CADM2: variants seen among roughly 807,000 people sequenced by gnomAD.
CADM2 encodes the protein cell adhesion molecule 2.
A neutral mutation model predicts 49.8 loss-of-function variants in CADM2; 12 were observed. That is an observed-to-expected ratio of 0.24 (90% confidence interval 0.15 to 0.39). The LOEUF (loss-of-function observed/expected upper bound fraction) is 0.39. CADM2 is among the 10% of genes least tolerant of loss of function. CADM2 has a pLI of 1.00. For missense variants in CADM2, 378 were observed against 492.3 expected, an observed-to-expected ratio of 0.77 and a Z score of 2.20; for synonymous variants, 214 against 175.4, an observed-to-expected ratio of 1.22 and a Z score of -1.74.
intron 1 of CADM2, among the ~76,000 whole-genome samples, chr3:85,101,638 A>C (rs2107545840): frequency 6.6e-6 from 1 of 152,340 alleles, no homozygotes; most frequent in South Asian, 2.1e-4. Context: ...TATTCTTTAA[A>C]AAAATTCTCA....
At chr3:85,305,986 C>T (rs1038796136) in intron 1 of CADM2, among the ~76,000 whole-genome samples, 2 of 151,630 alleles carry the variant, frequency 1.3e-5, no homozygotes, top group African/African-American at 4.8e-5. Context: ...ATGACCAACA[C>T]ATTATGCAGT....
chr3:85,748,448 C>T (rs2068708677), intron 2 of CADM2, among the ~76,000 whole-genome samples: 1 of 152,036 alleles, frequency 6.6e-6, no homozygotes, highest in South Asian at 2.1e-4. Context: ...ACCCAGGTTT[C>T]TGATGGGTAT....
intron 1 of CADM2, among the ~76,000 whole-genome samples, chr3:85,489,806 T>TGTGA (rs565317625): frequency 7.6e-5 from 11 of 143,918 alleles, no homozygotes; most frequent in Non-Finnish European, 1.4e-4. Context: ...TGTGTGTGTG[T>TGTGA]GAGAGAGAGA....
chr3:85,828,154 C>A (rs890126272), intron 3 of CADM2: 1 of 151,736 alleles, frequency 6.6e-6, no homozygotes, highest in Admixed American at 6.6e-5. Flanking sequence ...ATTATTAGAC[C>A]CTGACGTGCT....
chr3:85,199,963 T>C (rs772091473), intron 1 of CADM2, among the ~76,000 whole-genome samples: 11 of 152,068 alleles, frequency 7.2e-5, no homozygotes, highest in Non-Finnish European at 1.5e-4. Flanking sequence ...CAGTTAAAAC[T>C]GCATAATGCA....
At chr3:85,907,101 C>A (rs939335571) in intron 5 of CADM2, among the ~76,000 whole-genome samples, 2 of 152,124 alleles carry the variant, frequency 1.3e-5, no homozygotes, top group Admixed American at 1.3e-4. Context: ...TCGTTCACTC[C>A]TAATTTTTGA....
intron 1 of CADM2, among the ~76,000 whole-genome samples, chr3:85,699,710 C>G (rs182338144): frequency 6.6e-6 from 1 of 152,218 alleles, no homozygotes; most frequent in Non-Finnish European, 1.5e-5. Flanking sequence ...ATTTTTCCCC[C>G]CTAGGCCTCC....
rs528569639 is a variant in CADM2, at chr3:85,794,746, T to C, written c.89-7301T>C. Among the ~76,000 whole-genome samples the C allele has an allele frequency of 2.0e-5, 3 of 152,180 alleles. No individual in the cohort carries two copies. In the South Asian group the frequency reaches 6.2e-4, roughly 32 times the overall value. On this transcript the variant is annotated intron_variant, in intron 2 of 9. Coordinates refer to ENST00000383699, the MANE Select transcript of CADM2 (RefSeq NM_001167675.2). ...AAATCCTTGTAGATGGTAAACAAGA[T>C]CCATACTGTACCATCTGGGCTGTTT...
intron 1 of CADM2, among the ~76,000 whole-genome samples, chr3:85,128,759 T>C (rs1240236866): frequency 1.3e-5 from 2 of 152,190 alleles, no homozygotes; most frequent in Non-Finnish European, 2.9e-5. Context: ...GGCTAAATTA[T>C]GTGGGTGCAT....
rs951752192 is a variant in CADM2 at position 85,074,800 on chromosome 3, T to C, written c.61+115132T>C. Among the ~76,000 whole-genome samples, 6 of 152,078 alleles carry C rather than the reference T, an allele frequency of 3.9e-5. No homozygotes were observed. The South Asian group carries it at 1.2e-3, about 32-fold the overall frequency. ...GGAACCTAATTTTTGTTCTCACGTA[T>C]ATCAGTAATAACCTCACATTTCCGG... On this transcript the variant is annotated intron_variant, in intron 1 of 9. Transcript: ENST00000383699.
chr3:85,984,031 CA>C (rs1476569891), intron 8 of CADM2, among the ~76,000 whole-genome samples: 1 of 149,114 alleles, frequency 6.7e-6, no homozygotes, highest in African/African-American at 2.5e-5. Flanking sequence ...ATATATTATA[CA>C]TATTATATAT....
chr3:85,349,589 ACTT>A (rs2031126023), intron 1 of CADM2, among the ~76,000 whole-genome samples: 1 of 152,160 alleles, frequency 6.6e-6, no homozygotes. Context: ...CATTTAGTTT[ACTT>A]TTCTTCACTT....
chr3:84,981,261 A>G (rs530666269), intron 1 of CADM2, among the ~76,000 whole-genome samples: 1 of 151,838 alleles, frequency 6.6e-6, no homozygotes, highest in South Asian at 2.1e-4. Flanking sequence ...GTTTACTGAG[A>G]ATGATGATTT....
chr3:85,013,541 C>T (rs2034097213), intron 1 of CADM2, among the ~76,000 whole-genome samples: 1 of 151,624 alleles, frequency 6.6e-6, no homozygotes, highest in South Asian at 2.1e-4. Flanking sequence ...ATTCTTGTGG[C>T]ATAAATGTTT....
chr3:85,698,766 C>G (rs898909186), intron 1 of CADM2, among the ~76,000 whole-genome samples: 2 of 152,128 alleles, frequency 1.3e-5, no homozygotes, highest in African/African-American at 4.8e-5. Flanking sequence ...TGGGTGTGGA[C>G]ACAGATTCAA....
chr3:85,061,577 T>C (rs539773978), intron 1 of CADM2, among the ~76,000 whole-genome samples: 1 of 152,286 alleles, frequency 6.6e-6, no homozygotes, highest in Admixed American at 6.5e-5. Flanking sequence ...ATCCAGGTAG[T>C]AGTAACTGAC....
intron 1 of CADM2, among the ~76,000 whole-genome samples, chr3:85,350,106 G>T (rs1377014910): frequency 6.6e-6 from 1 of 152,134 alleles, no homozygotes; most frequent in African/African-American, 2.4e-5. Context: ...GAGGACAGAG[G>T]AATAGCGCAA....
intron 3 of CADM2, among the ~76,000 whole-genome samples, chr3:85,877,306 T>A (rs1298692984): frequency 6.6e-6 from 1 of 152,150 alleles, no homozygotes; most frequent in Admixed American, 6.6e-5. Flanking sequence ...TATTTTTAAA[T>A]AAAATGTTTG....
At chr3:85,975,060 G>A (rs548959954) in intron 8 of CADM2, among the ~76,000 whole-genome samples, 3 of 151,384 alleles carry the variant, frequency 2.0e-5, no homozygotes, top group African/African-American at 7.3e-5. Context: ...TAGATAGATA[G>A]AGGTCCAGGA....
Sources: gnomAD v4.1 joint callset for allele counts (sites outside exome capture counted in the v4.1 genomes callset) on GRCh38, gnomAD v4.1.1 for gene constraint, MANE v1.5 for transcripts, NCBI Gene and HGNC (gene_info 2026-07-23, HGNC 2026-07-21) for gene names.